Variants in SLC39A11 observed in about 807,000 individuals in gnomAD.
The protein encoded by SLC39A11 is zinc transporter ZIP11.
A neutral mutation model predicts 36.1 loss-of-function variants in SLC39A11; 33 were observed. The observed-to-expected ratio is 0.91, with a 90% confidence interval of 0.69 to 1.22. SLC39A11 has a LOEUF of 1.22. Ranked by LOEUF, SLC39A11 falls within the 50% of genes most tolerant of loss-of-function variation. SLC39A11 has a pLI of 0.00. For synonymous variants in SLC39A11, 166 were observed against 170.3 expected, an observed-to-expected ratio of 0.97 and a Z score of 0.20; for missense variants, 432 against 430.3, an observed-to-expected ratio of 1.00 and a Z score of -0.03.
At chr17:73,008,157 T>G (rs11869656) in intron 4 of SLC39A11, among the ~76,000 whole-genome samples, 27 of 74,112 alleles carry the variant, frequency 3.6e-4, no homozygotes, top group Middle Eastern at 8.8e-3. Context: ...GTTTGTTGTT[T>G]TTTTTTTGTT....
chr17:72,989,521 G>A (rs1323086436), intron 4 of SLC39A11, among the ~76,000 whole-genome samples: 1 of 152,150 alleles, frequency 6.6e-6, no homozygotes, highest in Non-Finnish European at 1.5e-5. Flanking sequence ...AAATGATCTA[G>A]TCTTGTATCT....
At chr17:72,898,100 A>C (rs1013797220) in intron 5 of SLC39A11, among the ~76,000 whole-genome samples, 3 of 152,328 alleles carry the variant, frequency 2.0e-5, no homozygotes, top group Admixed American at 2.0e-4. Flanking sequence ...TGAATGCAGC[A>C]GGAAATCTAA....
At chr17:72,797,919 C>T (rs2076947310) in intron 6 of SLC39A11, among the ~76,000 whole-genome samples, 1 of 152,132 alleles carries the variant, frequency 6.6e-6, no homozygotes, top group African/African-American at 2.4e-5. Context: ...CCTAGGAGTA[C>T]ATTTCCTATC....
intron 4 of SLC39A11, among the ~76,000 whole-genome samples, chr17:72,985,288 C>G (rs1292850243): frequency 6.6e-6 from 1 of 151,982 alleles, no homozygotes; most frequent in East Asian, 1.9e-4. Context: ...GAGTCGCTCT[C>G]TGAATTTTTG....
chr17:72,879,107 G>T (rs1012018436), intron 5 of SLC39A11, among the ~76,000 whole-genome samples: 6 of 152,192 alleles, frequency 3.9e-5, no homozygotes, highest in African/African-American at 1.4e-4. Flanking sequence ...GAGCTTCCAC[G>T]CCCTTTCCAG....
chr17:72,820,401 C>A (rs1458455328), intron 6 of SLC39A11, among the ~76,000 whole-genome samples: 3 of 151,140 alleles, frequency 2.0e-5, no homozygotes, highest in Admixed American at 6.6e-5. Flanking sequence ...ATCTTTAAGG[C>A]CTTCCCAGTC....
intron 7 of SLC39A11, among the ~76,000 whole-genome samples, chr17:72,657,020 A>G (rs2070159127): frequency 6.6e-6 from 1 of 151,996 alleles, no homozygotes; most frequent in South Asian, 2.1e-4. Flanking sequence ...AAAGAAGAAC[A>G]GCAAAGAACA....
chr17:72,899,713 G>C (rs1249968629), intron 5 of SLC39A11, among the ~76,000 whole-genome samples: 7 of 152,202 alleles, frequency 4.6e-5, no homozygotes, highest in African/African-American at 1.7e-4. Context: ...TGTAATCCCA[G>C]CACTTTGGGA....
intron 7 of SLC39A11, among the ~76,000 whole-genome samples, chr17:72,681,429 A>G (rs375913716): frequency 1.3e-5 from 2 of 152,202 alleles, no homozygotes; most frequent in African/African-American, 4.8e-5. Flanking sequence ...GGAGGGAAGC[A>G]GGAGTGGCCA....
intron 6 of SLC39A11, among the ~76,000 whole-genome samples, chr17:72,761,234 C>A (rs1598613863): frequency 6.6e-6 from 1 of 152,248 alleles, no homozygotes; most frequent in East Asian, 1.9e-4. Context: ...CCTGCTTCAG[C>A]CTCTTGAGTA....
At chr17:72,885,387 TG>T (rs568185629) in intron 5 of SLC39A11, among the ~76,000 whole-genome samples, 259 of 152,342 alleles carry the variant, frequency 1.7e-3, no homozygotes, top group African/African-American at 5.8e-3. Flanking sequence ...TCTCTAATCC[TG>T]TAGGCTACGG....
chr17:73,071,979 CGAAT>C, intron 3 of SLC39A11, among the ~76,000 whole-genome samples: 1 of 152,158 alleles, frequency 6.6e-6, no homozygotes, highest in African/African-American at 2.4e-5. Flanking sequence ...AACGAAAGAA[CGAAT>C]GAATAAAAAA....
chr17:72,811,006 T>C (rs2077419567), intron 6 of SLC39A11, among the ~76,000 whole-genome samples: 1 of 152,154 alleles, frequency 6.6e-6, no homozygotes, highest in Non-Finnish European at 1.5e-5. Context: ...TAAAAATTCT[T>C]TAAGTTGTAT....
intron 5 of SLC39A11, among the ~76,000 whole-genome samples, chr17:72,913,392 G>A (rs2083138358): frequency 6.6e-6 from 1 of 152,110 alleles, no homozygotes; most frequent in Non-Finnish European, 1.5e-5. Flanking sequence ...GGAGGGACCT[G>A]ACTTCCTTGA....
chr17:72,717,745 C>A (rs912871892), intron 7 of SLC39A11, among the ~76,000 whole-genome samples: 9 of 152,228 alleles, frequency 5.9e-5, no homozygotes, highest in African/African-American at 2.2e-4. Context: ...GACTTCCATA[C>A]CTTTCTGGGG....
intron 7 of SLC39A11, among the ~76,000 whole-genome samples, chr17:72,698,984 C>T (rs570442302): frequency 6.6e-6 from 1 of 152,288 alleles, no homozygotes; most frequent in South Asian, 2.1e-4. Context: ...GCGCCCGCCA[C>T]CACACCTAGA....
intron 6 of SLC39A11, among the ~76,000 whole-genome samples, chr17:72,839,879 G>A (rs779618585): frequency 2.6e-5 from 4 of 152,218 alleles, no homozygotes; most frequent in Non-Finnish European, 4.4e-5. Context: ...CAGCTGGAGT[G>A]AGAACCACGC....
At chr17:72,772,028 T>C (rs572776997) in intron 6 of SLC39A11, among the ~76,000 whole-genome samples, 19 of 152,250 alleles carry the variant, frequency 1.2e-4, no homozygotes, top group African/African-American at 3.9e-4. Flanking sequence ...CCTTCCATCA[T>C]TGAAACAAGA....
intron 5 of SLC39A11, among the ~76,000 whole-genome samples, chr17:72,852,570 T>C (rs970550248): frequency 4.6e-5 from 7 of 152,200 alleles, no homozygotes; most frequent in African/African-American, 1.7e-4. Flanking sequence ...TGTATGCATG[T>C]ACGTGTGTGT....
Sources: gnomAD v4.1 joint callset for allele counts (sites outside exome capture counted in the v4.1 genomes callset) on GRCh38, gnomAD v4.1.1 for gene constraint, MANE v1.5 for transcripts, NCBI Gene and HGNC (gene_info 2026-07-23, HGNC 2026-07-21) for gene names.